PCDH15: variants seen among roughly 807,000 people sequenced by gnomAD.
The protein encoded by PCDH15 is protocadherin-15.
PCDH15 carries 129 observed loss-of-function variants against 178.5 expected under a neutral mutation model. The observed-to-expected ratio is 0.72, with a 90% confidence interval of 0.63 to 0.84. PCDH15 has a LOEUF of 0.84. Ranked by LOEUF, PCDH15 falls within the 40% of genes least tolerant of loss-of-function variation. The pLI is 0.00. For missense variants in PCDH15, 2,230 were observed against 2,099.9 expected (o/e 1.06, Z -1.21); for synonymous variants, 800 against 732.0 (o/e 1.09, Z -1.50).
chr10:54,253,442 G>C (rs992665651), intron 8 of PCDH15, among the ~76,000 whole-genome samples: 4 of 152,056 alleles, frequency 2.6e-5, no homozygotes, highest in African/African-American at 9.6e-5. Context: ...AGAATATTGA[G>C]AAATCTGTGA....
At chr10:54,111,983 AAAAAC>A (rs58369172) in intron 15 of PCDH15, among the ~76,000 whole-genome samples, 42,739 of 144,102 alleles carry the variant, frequency 0.3, 8,073 homozygotes, top group East Asian at 0.86. Context: ...AAAAAAAAAA[AAAAAC>A]AAAACTTAGC....
intron 2 of PCDH15, among the ~76,000 whole-genome samples, chr10:55,037,068 C>G (rs1033914821): frequency 6.6e-6 from 1 of 152,076 alleles, no homozygotes; most frequent in South Asian, 2.1e-4. Context: ...AGACATTTTT[C>G]CCATCACAGA....
chr10:55,207,704 T>C (rs1251402414), intron 1 of PCDH15, among the ~76,000 whole-genome samples: 1 of 152,172 alleles, frequency 6.6e-6, no homozygotes, highest in Non-Finnish European at 1.5e-5. Context: ...TGCCATGGCT[T>C]ACGCCTGTAG....
At position 54,990,000 on chromosome 10, in the gene PCDH15, T is replaced by C. The variant is rs553419319; in HGVS notation, c.-79-92500A>G. ...TTCCCCTGCACAAGCTCTCTTTGCCTGCTGCCCTCCATGTAAGATGTGACT... is the reference window on the plus strand; with the variant it reads ...TTCCCCTGCACAAGCTCTCTTTGCCCGCTGCCCTCCATGTAAGATGTGACT... On this transcript the variant is annotated intron_variant, in intron 2 of 5. Transcript: ENST00000458638. Among the ~76,000 whole-genome samples the C allele has an allele frequency of 5.3e-5, 8 of 152,324 alleles. No homozygotes were observed. In the East Asian group the frequency reaches 1.2e-3, roughly 22 times the overall value.
chr10:53,909,193 C>G (rs1169632238), intron 25 of PCDH15, among the ~76,000 whole-genome samples: 1 of 152,142 alleles, frequency 6.6e-6, no homozygotes, highest in Non-Finnish European at 1.5e-5. Flanking sequence ...GTGCTTCCCC[C>G]TACACTCCCT....
At chr10:55,544,029 G>C (rs1296552601) in intron 2 of PCDH15, among the ~76,000 whole-genome samples, 2 of 150,168 alleles carry the variant, frequency 1.3e-5, no homozygotes, top group Non-Finnish European at 3.0e-5. Flanking sequence ...AGTCACTGTA[G>C]TTGATGTAAA....
At chr10:54,491,608 G>A (rs1445938931) in intron 3 of PCDH15, among the ~76,000 whole-genome samples, 3 of 151,940 alleles carry the variant, frequency 2.0e-5, no homozygotes, top group Non-Finnish European at 4.4e-5. Context: ...AAAGCAGTGG[G>A]GACAATTTCT....
chr10:53,924,577 G>C (rs1458989766), intron 25 of PCDH15, among the ~76,000 whole-genome samples: 3 of 152,256 alleles, frequency 2.0e-5, no homozygotes, highest in African/African-American at 7.2e-5. Flanking sequence ...CACAGCGCCG[G>C]ACTGGCGGGC....
chr10:54,050,696 T>A (rs2093752290), intron 18 of PCDH15, among the ~76,000 whole-genome samples: 1 of 152,124 alleles, frequency 6.6e-6, no homozygotes, highest in African/African-American at 2.4e-5. Context: ...ATATTTTTGA[T>A]GTATGTATTT....
chr10:54,353,569 C>A (rs568250263), intron 5 of PCDH15, among the ~76,000 whole-genome samples: 2 of 151,490 alleles, frequency 1.3e-5, no homozygotes, highest in South Asian at 4.2e-4. Flanking sequence ...TGACTTCAAT[C>A]AAAATTGCTT....
At chr10:54,852,855 A>AAAAAT (rs368212815) in intron 3 of PCDH15, among the ~76,000 whole-genome samples, 7,189 of 147,282 alleles carry the variant, frequency 0.049, 210 homozygotes, top group African/African-American at 0.084. Flanking sequence ...TCTGTCTCAA[A>AAAAAT]AAAATAAAAT....
At chr10:53,987,538 AATGT>A (rs10545388) in intron 21 of PCDH15, among the ~76,000 whole-genome samples, 48,944 of 151,748 alleles carry the variant, frequency 0.32, 9,716 homozygotes, top group East Asian at 0.62. Context: ...TTTTAAATAA[AATGT>A]ATGTGACTAA....
At chr10:54,339,433 G>A (rs1941822812) in intron 6 of PCDH15, among the ~76,000 whole-genome samples, 1 of 151,886 alleles carries the variant, frequency 6.6e-6, no homozygotes, top group Non-Finnish European at 1.5e-5. Flanking sequence ...GAAATTAAAT[G>A]CCCCTAATTA....
At chr10:54,074,356 C>A (rs534984016) in intron 17 of PCDH15, among the ~76,000 whole-genome samples, 20 of 152,264 alleles carry the variant, frequency 1.3e-4, no homozygotes, top group Admixed American at 2.6e-4. Context: ...TTTCTCTTTT[C>A]TTTATCCTCT....
intron 13 of PCDH15, among the ~76,000 whole-genome samples, chr10:54,163,665 T>G (rs1356618558): frequency 4.6e-5 from 7 of 152,094 alleles, no homozygotes; most frequent in Non-Finnish European, 2.9e-5. Context: ...AAGAGGGATT[T>G]GAAGTTCAAT....
intron 2 of PCDH15, among the ~76,000 whole-genome samples, chr10:55,620,381 A>G (rs1051976339): frequency 2.0e-5 from 3 of 152,196 alleles, no homozygotes; most frequent in Admixed American, 1.3e-4. Context: ...ATAAAAATAG[A>G]GAATAGATTA....
chr10:55,052,090 A>ATT (rs760975471), intron 2 of PCDH15, among the ~76,000 whole-genome samples: 6 of 142,426 alleles, frequency 4.2e-5, no homozygotes, highest in Admixed American at 7.1e-5. Context: ...AATCGATACG[A>ATT]TTTTTTTTTT....
At chr10:54,038,283 AT>A (rs1277706615) in intron 18 of PCDH15, among the ~76,000 whole-genome samples, 1 of 151,872 alleles carries the variant, frequency 6.6e-6, no homozygotes, top group Non-Finnish European at 1.5e-5. Flanking sequence ...TGATTCTTGT[AT>A]GACTTGAAGA....
At position 55,098,971 on chromosome 10, in the gene PCDH15, C is replaced by G. The variant is rs555870693; in HGVS notation, c.-80+67605G>C. ...TCTCTTTCTTTTGCCTATTAAACCT[C>G]TGCTCCTAAACTCACTCTCTTGTGT... On this transcript the variant is annotated intron_variant, in intron 2 of 5. Coordinates refer to the PCDH15 transcript ENST00000458638. 1.2e-4 allele frequency among the ~76,000 whole-genome samples: 18 copies of G among 148,428 alleles called. 2 individuals carry two copies. The South Asian group carries it at 3.9e-3, about 32-fold the overall frequency.
Sources: gnomAD v4.1 joint callset for allele counts (sites outside exome capture counted in the v4.1 genomes callset) on GRCh38, gnomAD v4.1.1 for gene constraint, MANE v1.5 for transcripts, NCBI Gene and HGNC (gene_info 2026-07-23, HGNC 2026-07-21) for gene names.